CAMTA1: variants seen among roughly 807,000 people sequenced by gnomAD.
CAMTA1 encodes the protein calmodulin-binding transcription activator 1.
CAMTA1 carries 27 observed loss-of-function variants against 170.9 expected under a neutral mutation model. The ratio of observed to expected loss-of-function variants is 0.16; its 90% CI spans 0.12 to 0.22. The LOEUF is 0.22. Among genes scored for constraint, CAMTA1 ranks in the 10% least tolerant of loss-of-function variants. The pLI is 1.00. For synonymous variants in CAMTA1, 833 were observed against 891.5 expected (o/e 0.93, Z 1.17); for missense variants, 1,619 against 2,217.2 (o/e 0.73, Z 5.42).
At chr1:7,209,537 T>C (rs1325343946) in intron 4 of CAMTA1, among the ~76,000 whole-genome samples, 1 of 152,156 alleles carries the variant, frequency 6.6e-6, no homozygotes, top group African/African-American at 2.4e-5. Context: ...CTTGGCACTC[T>C]CTTTGAGAGA....
intron 11 of CAMTA1, among the ~76,000 whole-genome samples, chr1:7,728,841 C>T (rs1021288679): frequency 4.6e-5 from 7 of 152,154 alleles, no homozygotes; most frequent in Middle Eastern, 6.3e-3. Context: ...CCAGCGCAAC[C>T]TCTGTAGTCA....
rs571626611 is a variant in CAMTA1, at chr1:7,570,823, G to A, written c.511-69577G>A. Among the ~76,000 whole-genome samples the A allele has an allele frequency of 1.2e-4, 18 of 152,304 alleles. No individual in the cohort carries two copies. The highest frequency in any genetic ancestry group is 4.3e-4 in the African/African-American group (18 of 41,580). On this transcript the variant is annotated intron_variant, in intron 6 of 22. Transcript: ENST00000303635. This position sits in a 1 kb window ranked among gnomAD's most constrained non-coding sequence, Gnocchi z 4.3. The stretch of plus-strand genomic sequence containing the variant: ...TCATGCGAGGATGGGGATAGGGTAC[G>A]GAGACTGGAGAGAGCCTGGGAGTCA...
chr1:6,824,835 G>T (rs1235090087), intron 2 of CAMTA1, among the ~76,000 whole-genome samples: 1 of 152,152 alleles, frequency 6.6e-6, no homozygotes, highest in Non-Finnish European at 1.5e-5. Flanking sequence ...ATGGGCAGCT[G>T]CGGGGATTTT....
At chr1:7,537,723 C>T (rs185273513) in intron 6 of CAMTA1, among the ~76,000 whole-genome samples, 1 of 152,324 alleles carries the variant, frequency 6.6e-6, no homozygotes, top group Non-Finnish European at 1.5e-5. Context: ...GACAAATAGA[C>T]ACACTCTCTA....
chr1:7,760,065 T>C (rs1435616491), intron 22 of CAMTA1, among the ~76,000 whole-genome samples: 1 of 152,242 alleles, frequency 6.6e-6, no homozygotes, highest in East Asian at 1.9e-4. Context: ...AGTATTTAAT[T>C]AACCTATTTC....
At chr1:7,614,901 G>C (rs115939263) in intron 6 of CAMTA1, among the ~76,000 whole-genome samples, 12 of 152,170 alleles carry the variant, frequency 7.9e-5, no homozygotes, top group African/African-American at 2.7e-4. Flanking sequence ...GATACTGCTG[G>C]GGGGAGGGTA....
rs753675699 is a variant in CAMTA1, at chr1:7,249,245, T to A, written c.303-246T>A. Among the ~76,000 whole-genome samples, 2 of 152,176 alleles carry A rather than the reference T, an allele frequency of 1.3e-5. No homozygotes were observed. The highest frequency in any genetic ancestry group is 2.9e-5 in the Non-Finnish European group (2 of 68,026). ...ATCCTGATTACTTTGTGGTTATTAC[T>A]GAGGGGATGTTTTTTAAGCCTATCA... On this transcript the variant is annotated intron_variant, in intron 4 of 22. Transcript: ENST00000303635. This position sits in a 1 kb window ranked among gnomAD's most constrained non-coding sequence, Gnocchi z 4.4.
chr1:7,523,235 A>G (rs535131873), intron 6 of CAMTA1, among the ~76,000 whole-genome samples: 1 of 152,360 alleles, frequency 6.6e-6, no homozygotes, highest in Admixed American at 6.5e-5. Flanking sequence ...ATAACTCTGT[A>G]TTAATCCTCA....
intron 5 of CAMTA1, among the ~76,000 whole-genome samples, chr1:7,279,464 C>A (rs985174911): frequency 6.6e-6 from 1 of 152,078 alleles, no homozygotes; most frequent in African/African-American, 2.4e-5. Context: ...GCCAGGGGAC[C>A]GGCAGCCCCA....
Position 7,640,408 on chromosome 1 carries a change from C to A in CAMTA1, c.519C>A (p.Asp173Glu). 6.2e-7 allele frequency: 1 copy of A among 1,614,098 alleles called. No individual in the cohort carries two copies. Among genetic ancestry groups the A allele is most frequent in the South Asian group, 1.1e-5 (1 of 91,086 alleles). ...CTCTGCTCTCCCCACAGAACCCCGA[C>A]ATCGTCCTGGTGCACTACCTGAACG... ...RRCYWLLQNP[D>E]IVLVHYLNVP... The change falls in exon 7 of 23, where the codon GAC (aspartate) becomes GAA (glutamate). Residue 173 changes from aspartate to glutamate, a missense_variant. Coordinates refer to ENST00000303635, the MANE Select transcript of CAMTA1 (RefSeq NM_015215.4).
At chr1:6,936,871 C>A (rs143408312) in intron 3 of CAMTA1, among the ~76,000 whole-genome samples, 12 of 152,198 alleles carry the variant, frequency 7.9e-5, no homozygotes, top group African/African-American at 2.9e-4. Context: ...GCCTGTAGTC[C>A]CAGCCACTCG....
intron 5 of CAMTA1, among the ~76,000 whole-genome samples, chr1:7,428,851 T>C (rs2092008081): frequency 6.6e-6 from 1 of 152,190 alleles, no homozygotes; most frequent in East Asian, 1.9e-4. Flanking sequence ...TTCCTGCAGC[T>C]AGCACCGGTG....
chr1:7,019,291 AG>A (rs1476817949), intron 3 of CAMTA1, among the ~76,000 whole-genome samples: 3 of 152,026 alleles, frequency 2.0e-5, no homozygotes, highest in African/African-American at 7.2e-5. Context: ...AGTTTCCATA[AG>A]GTTGTGTCGG....
At chr1:7,230,450 GC>G (rs1662570528) in intron 4 of CAMTA1, among the ~76,000 whole-genome samples, 1 of 12,072 alleles carries the variant, frequency 8.3e-5, no homozygotes, top group African/African-American at 3.9e-4. Flanking sequence ...CCCCCGCCCC[GC>G]AAAGCTCTGT....
At chr1:7,170,287 T>C (rs537880892) in intron 4 of CAMTA1, among the ~76,000 whole-genome samples, 2 of 151,868 alleles carry the variant, frequency 1.3e-5, no homozygotes, top group South Asian at 2.1e-4. Context: ...TTGTATAAAA[T>C]GGGTTTCTTT....
intron 5 of CAMTA1, among the ~76,000 whole-genome samples, chr1:7,336,559 G>A (rs973729346): frequency 2.6e-5 from 4 of 152,226 alleles, no homozygotes; most frequent in Non-Finnish European, 5.9e-5. Context: ...GATTGCAGGG[G>A]TGGGCAGGGA....
chr1:7,249,424 A>G lies in CAMTA1; in HGVS notation c.303-67A>G. The G allele has an allele frequency of 2.8e-6, 4 of 1,440,498 alleles. No individual in the cohort carries two copies. Among genetic ancestry groups the G allele is most frequent in the Non-Finnish European group, 3.8e-6 (4 of 1,050,116 alleles). The allele number at this position is 1,440,498 out of a possible 1,614,324, so 89.2% of individuals were successfully genotyped here. ...CTGTAGAGACTTTTACTGGTCGATG[A>G]TATCTTTCTTCATAAATTTTTCTTC... On this transcript the variant is annotated intron_variant, in intron 4 of 22. Transcript: ENST00000303635. This position sits in a 1 kb window ranked among gnomAD's most constrained non-coding sequence, Gnocchi z 4.4.
intron 4 of CAMTA1, among the ~76,000 whole-genome samples, chr1:7,157,822 G>A (rs948808889): frequency 6.6e-6 from 1 of 152,150 alleles, no homozygotes; most frequent in Non-Finnish European, 1.5e-5. Flanking sequence ...TGGACAAGTG[G>A]AGGTATTTTT....
At chr1:7,198,501 C>T (rs1028933750) in intron 4 of CAMTA1, among the ~76,000 whole-genome samples, 2 of 152,026 alleles carry the variant, frequency 1.3e-5, no homozygotes, top group Non-Finnish European at 2.9e-5. Context: ...GAATGTGTCC[C>T]TTCCATGTCT....
Sources: gnomAD v4.1 joint callset for allele counts (sites outside exome capture counted in the v4.1 genomes callset) on GRCh38, gnomAD v4.1.1 for gene constraint, Gnocchi (gnomAD v3.1) non-coding constraint, MANE v1.5 for transcripts, NCBI Gene and HGNC (gene_info 2026-07-23, HGNC 2026-07-21) for gene names.